Variants in CUBN observed in about 807,000 individuals in gnomAD.
CUBN encodes 460 kDa receptor.
A neutral mutation model predicts 405.3 loss-of-function variants in CUBN; 282 were observed. The ratio of observed to expected loss-of-function variants is 0.70; its 90% CI spans 0.63 to 0.77. CUBN has a LOEUF of 0.77. Among genes scored for constraint, CUBN ranks in the 30% least tolerant of loss-of-function variants. The probability of loss-of-function intolerance (pLI) is 0.00; values close to 1 mark genes in which losing one functional copy is unlikely to be tolerated. For missense variants in CUBN, 4,514 were observed against 4,475.2 expected (o/e 1.01, Z -0.25); for synonymous variants, 1,684 against 1,617.0 (o/e 1.04, Z -0.99).
At chr10:16,847,159 T>G (rs140445761) in intron 60 of CUBN, among the ~76,000 whole-genome samples, 33 of 152,048 alleles carry the variant, frequency 2.2e-4, no homozygotes, top group Non-Finnish European at 3.8e-4. Context: ...TGTCCGTTAT[T>G]TAAATGTGTT....
At chr10:16,844,514 T>A (rs1371284192) in intron 60 of CUBN, among the ~76,000 whole-genome samples, 1 of 152,164 alleles carries the variant, frequency 6.6e-6, no homozygotes, top group East Asian at 1.9e-4. Context: ...TGATGTAAGA[T>A]CAGATTTGGG....
At chr10:16,860,064 T>C (rs1839971653) in intron 59 of CUBN, among the ~76,000 whole-genome samples, 1 of 152,014 alleles carries the variant, frequency 6.6e-6, no homozygotes, top group African/African-American at 2.4e-5. Flanking sequence ...GATGTATAAA[T>C]AATAATTTTA....
chr10:16,909,834 G>A (rs1398037877), intron 48 of CUBN, among the ~76,000 whole-genome samples: 1 of 152,180 alleles, frequency 6.6e-6, no homozygotes, highest in South Asian at 2.1e-4. Flanking sequence ...CTATGAGCAG[G>A]GACAACATCA....
At chr10:17,044,899 G>T in intron 25 of CUBN, 108 bp downstream of exon 25, 1 of 1,126,102 alleles carries the variant, frequency 8.9e-7, no homozygotes, top group Non-Finnish European at 1.3e-6. Context: ...TTATATGGAT[G>T]TTCGGTTTAG....
At chr10:16,840,195 C>T (rs556418797) in intron 62 of CUBN, 135 bp downstream of exon 62, 4 of 732,958 alleles carry the variant, frequency 5.5e-6, no homozygotes, top group Non-Finnish European at 7.1e-6. Context: ...GCACATTGTG[C>T]GCATGTACCC....
chr10:17,120,091 G>A (rs1350963503), intron 6 of CUBN, among the ~76,000 whole-genome samples: 1 of 152,198 alleles, frequency 6.6e-6, no homozygotes, highest in Non-Finnish European at 1.5e-5. Flanking sequence ...ATGATTCTGA[G>A]GCTCAAGTTT....
chr10:17,083,237 A>G (rs1251788222), intron 17 of CUBN, among the ~76,000 whole-genome samples: 2 of 152,098 alleles, frequency 1.3e-5, no homozygotes, highest in Non-Finnish European at 2.9e-5. Flanking sequence ...CGGTTGCAGT[A>G]GCTCATGCCT....
Position 16,849,125 on chromosome 10 carries a change from T to G in CUBN, c.9663+2110A>C, listed in dbSNP as rs79215076. Reference sequence around the variant, plus strand: ...CAATACTTTATTTAAATGGTTGTCATCCAGTGCAATGAGGCTGTTCTTCAT... The same window carrying G: ...CAATACTTTATTTAAATGGTTGTCAGCCAGTGCAATGAGGCTGTTCTTCAT... On this transcript the variant is annotated intron_variant, in intron 60 of 66. Coordinates refer to ENST00000377833, the MANE Select transcript of CUBN (RefSeq NM_001081.4). Among the ~76,000 whole-genome samples the G allele has an allele frequency of 1.2e-3, 190 of 152,324 alleles. 2 individuals carry two copies. In the East Asian group the frequency reaches 0.022, roughly 18 times the overall value.
chr10:16,843,221 C>G (rs1839410405), intron 60 of CUBN, among the ~76,000 whole-genome samples: 1 of 152,106 alleles, frequency 6.6e-6, no homozygotes, highest in African/African-American at 2.4e-5. Flanking sequence ...ATAGTGGGTG[C>G]TTGGATTTCC....
chr10:17,083,764 C>A (rs1326817638), intron 17 of CUBN, among the ~76,000 whole-genome samples: 1 of 152,112 alleles, frequency 6.6e-6, no homozygotes, highest in East Asian at 1.9e-4. Flanking sequence ...AATGTTTTAT[C>A]TTGCTCAACA....
chr10:16,917,363 CTG>C (rs1277323243), intron 45 of CUBN, among the ~76,000 whole-genome samples: 1 of 152,078 alleles, frequency 6.6e-6, no homozygotes, highest in African/African-American at 2.4e-5. Flanking sequence ...GACATATAGA[CTG>C]TTTTTTTCTC....
At chr10:17,002,917 G>C (rs549106557) in intron 28 of CUBN, among the ~76,000 whole-genome samples, 6 of 152,114 alleles carry the variant, frequency 3.9e-5, no homozygotes, top group Non-Finnish European at 8.8e-5. Context: ...TCAGTATCAC[G>C]ATGCAGAAAC....
chr10:16,950,171 A>G, intron 33 of CUBN, 60 bp from the exon 34 acceptor site: 1 of 1,206,218 alleles, frequency 8.3e-7, no homozygotes. Flanking sequence ...ATACAGGGAG[A>G]TGGGGCAAGA....
intron 60 of CUBN, among the ~76,000 whole-genome samples, chr10:16,850,685 C>T (rs1021499254): frequency 7.9e-5 from 12 of 152,256 alleles, no homozygotes; most frequent in Admixed American, 7.2e-4. Context: ...GTTGGCCAGG[C>T]TGGTCTCAAA....
intron 14 of CUBN, among the ~76,000 whole-genome samples, chr10:17,089,805 T>C (rs904767439): frequency 3.3e-5 from 5 of 152,208 alleles, no homozygotes; most frequent in African/African-American, 1.2e-4. Flanking sequence ...AGGTATTTTG[T>C]TGCAGTAACA....
chr10:16,967,225 G>A (rs955623798), intron 31 of CUBN, among the ~76,000 whole-genome samples: 1 of 151,948 alleles, frequency 6.6e-6, no homozygotes, highest in Non-Finnish European at 1.5e-5. Context: ...ATCACGATGC[G>A]TTCACCCCTA....
At chr10:17,063,516 T>A (rs2131840092) in intron 22 of CUBN, among the ~76,000 whole-genome samples, 1 of 152,330 alleles carries the variant, frequency 6.6e-6, no homozygotes, top group East Asian at 1.9e-4. Context: ...TCTTTATAGT[T>A]TCCTTTCCTG....
intron 22 of CUBN, among the ~76,000 whole-genome samples, chr10:17,051,934 G>C (rs1835279072): frequency 6.6e-6 from 1 of 152,082 alleles, no homozygotes; most frequent in African/African-American, 2.4e-5. Flanking sequence ...TGTCTAGTAA[G>C]ATATAGGAGT....
At chr10:17,019,717 A>T in intron 28 of CUBN, 116 bp downstream of exon 28, 1 of 1,216,362 alleles carries the variant, frequency 8.2e-7, no homozygotes, top group Non-Finnish European at 1.2e-6. Context: ...GCATGAGATT[A>T]CTACCTGGGT....
Sources: gnomAD v4.1 joint callset for allele counts (sites outside exome capture counted in the v4.1 genomes callset) on GRCh38, gnomAD v4.1.1 for gene constraint, MANE v1.5 for transcripts, NCBI Gene and HGNC (gene_info 2026-07-23, HGNC 2026-07-21) for gene names.